SPPL2A: variants seen among roughly 807,000 people sequenced by gnomAD.
SPPL2A encodes signal peptide peptidase like 2A, also known as signal peptide peptidase-like 2A.
Under a neutral mutation model 63.8 loss-of-function variants are expected in SPPL2A, and 51 were observed. The ratio of observed to expected loss-of-function variants is 0.80; its 90% CI spans 0.64 to 1.01. The LOEUF is 1.01. Ranked by LOEUF, SPPL2A falls within the 50% of genes least tolerant of loss-of-function variation. The pLI is 0.00. For synonymous variants in SPPL2A, 188 were observed against 205.8 expected (o/e 0.91, Z 0.74); for missense variants, 553 against 622.7 (o/e 0.89, Z 1.19).
At chr15:50,748,960 T>C (rs2062882863) in intron 2 of SPPL2A, 90 bp from the exon 3 acceptor site, 1 of 749,024 alleles carries the variant, frequency 1.3e-6, no homozygotes, top group East Asian at 2.9e-5. Flanking sequence ...GTTATCAATA[T>C]TGGTTTAAGA....
At chr15:50,736,552 G>T in intron 7 of SPPL2A, 92 bp downstream of exon 7, 2 of 692,496 alleles carry the variant, frequency 2.9e-6, no homozygotes, top group South Asian at 4.0e-5. Context: ...AATGTATATT[G>T]GACTATATAG....
At chr15:50,748,306 G>A (rs2062875653) in intron 3 of SPPL2A, 104 bp from the exon 4 acceptor site, 2 of 500,902 alleles carry the variant, frequency 4.0e-6, no homozygotes, top group Non-Finnish European at 3.3e-6. Context: ...TAAGTTATAA[G>A]ACAAAATTTC....
At position 50,748,548 on chromosome 15, in the gene SPPL2A, T is replaced by G. The variant is rs1012262974; in HGVS notation, c.360+140A>C. The G allele has an allele frequency of 2.4e-5, 15 of 620,844 alleles. No individual in the cohort carries two copies. In the Admixed American group the frequency reaches 4.1e-4, roughly 17 times the overall value. 38.5% of individuals were successfully genotyped at this position (620,844 alleles called of 1,614,324 possible). ...TTCCAAGTAAATGCCTATTAGATCT[T>G]GATTATTTATTTACAAAGAATCTTG... On this transcript the variant is annotated intron_variant, in intron 3 of 14. Coordinates refer to ENST00000261854, the MANE Select transcript of SPPL2A (RefSeq NM_032802.4).
intron 5 of SPPL2A, among the ~76,000 whole-genome samples, chr15:50,740,100 T>C (rs1215366477): frequency 6.6e-6 from 1 of 152,162 alleles, no homozygotes; most frequent in African/African-American, 2.4e-5. Flanking sequence ...CCACTAACTT[T>C]TGAAACATTT....
At chr15:50,763,023 G>C (rs118101350) in intron 1 of SPPL2A, among the ~76,000 whole-genome samples, 2,255 of 151,196 alleles carry the variant, frequency 0.015, 33 homozygotes, top group Non-Finnish European at 0.023. Flanking sequence ...GATGACAGGC[G>C]TGAGCCACCA....
Position 50,747,480 on chromosome 15 carries a change from G to A in SPPL2A, c.584+15C>T. On this transcript the variant is annotated intron_variant, in intron 5 of 14. Coordinates refer to ENST00000261854, the MANE Select transcript of SPPL2A (RefSeq NM_032802.4). ...AACCATTTATTACAAAAACGCTTAA[G>A]TTAATTAAACTTACAATTCAACTAG... 1 of 1,588,358 alleles carries A rather than the reference G, an allele frequency of 6.3e-7. No individual in the cohort carries two copies. The highest frequency in any genetic ancestry group is 1.2e-5 in the South Asian group (1 of 86,318).
At chr15:50,758,652 C>G (rs2062982123) in intron 1 of SPPL2A, among the ~76,000 whole-genome samples, 1 of 152,024 alleles carries the variant, frequency 6.6e-6, no homozygotes. Context: ...TTAGAATTCA[C>G]AAACTCAAAT....
Position 50,733,482 on chromosome 15 carries a change from C to T in SPPL2A, c.933-798G>A, listed in dbSNP as rs1026366325. Among the ~76,000 whole-genome samples, 12 of 152,046 alleles carry T rather than the reference C, an allele frequency of 7.9e-5. No homozygotes were observed. In the East Asian group the frequency reaches 2.3e-3, roughly 29 times the overall value. ...ACTCTATATATTTTTTTGCACTTTGCTTTTTTCACTTAAAAAAATACAAAT... is the reference window on the plus strand; with the variant it reads ...ACTCTATATATTTTTTTGCACTTTGTTTTTTTCACTTAAAAAAATACAAAT... On this transcript the variant is annotated intron_variant, in intron 8 of 14. Coordinates refer to ENST00000261854, the MANE Select transcript of SPPL2A (RefSeq NM_032802.4).
chr15:50,762,844 C>T (rs1596402957), intron 1 of SPPL2A, among the ~76,000 whole-genome samples: 4 of 151,546 alleles, frequency 2.6e-5, no homozygotes, highest in East Asian at 3.9e-4. Flanking sequence ...GCAATTCTTC[C>T]GCCTCAGCCT....
In SPPL2A at chr15:50,737,594, G is replaced by A. The variant is rs151152903; in HGVS notation, c.734-854C>T. The stretch of plus-strand genomic sequence containing the variant: ...CAGCCCCTTGAGGAGCTGGAACTAC[G>A]GGCACGCACCACCATGCCCAGCTAA... On this transcript the variant is annotated intron_variant, in intron 6 of 14. Coordinates refer to ENST00000261854, the MANE Select transcript of SPPL2A (RefSeq NM_032802.4). Among the ~76,000 whole-genome samples, 901 of 151,922 alleles carry A rather than the reference G, an allele frequency of 5.9e-3. 14 individuals are homozygous for A. The highest frequency in any genetic ancestry group is 0.021 in the African/African-American group (865 of 41,444).
chr15:50,740,204 G>T (rs957221473), intron 5 of SPPL2A, among the ~76,000 whole-genome samples: 4 of 151,682 alleles, frequency 2.6e-5, no homozygotes, highest in African/African-American at 7.3e-5. Flanking sequence ...TGAGGCGGGC[G>T]GATCATGAGG....
At chr15:50,712,862 T>A (rs1283419598) in intron 14 of SPPL2A, among the ~76,000 whole-genome samples, 1 of 151,940 alleles carries the variant, frequency 6.6e-6, no homozygotes, top group Non-Finnish European at 1.5e-5. Flanking sequence ...ATTTTTGTAT[T>A]TTTAATAGAG....
intron 5 of SPPL2A, among the ~76,000 whole-genome samples, chr15:50,740,723 G>C (rs1259417564): frequency 6.6e-6 from 1 of 151,838 alleles, no homozygotes; most frequent in Non-Finnish European, 1.5e-5. Flanking sequence ...CAATTCTCCT[G>C]CCTCAGCCTC....
At chr15:50,726,197 G>A in intron 11 of SPPL2A, 124 bp downstream of exon 11, 1 of 1,479,634 alleles carries the variant, frequency 6.8e-7, no homozygotes, top group African/African-American at 1.4e-5. Flanking sequence ...TATTTTCTGA[G>A]AAATAAGTTT....
intron 5 of SPPL2A, among the ~76,000 whole-genome samples, chr15:50,743,962 G>T (rs62018807): frequency 6.6e-6 from 1 of 151,768 alleles, no homozygotes; most frequent in East Asian, 1.9e-4. Context: ...ATCACCTGAG[G>T]TCAGGAGTTC....
rs183430802 is a variant in SPPL2A at position 50,721,850 on chromosome 15, C to T, written c.1327+274G>A. On this transcript the variant is annotated intron_variant, in intron 13 of 14. Transcript: ENST00000261854. The stretch of plus-strand genomic sequence containing the variant: ...CTCAATCTCTTGCCCTTATGATCTG[C>T]CTGCCTCGGCCTCCCAAAGTGCTGG... 3.3e-5 allele frequency among the ~76,000 whole-genome samples: 5 copies of T among 152,256 alleles called. No individual in the cohort carries two copies. The East Asian group carries it at 9.6e-4, about 29-fold the overall frequency.
At chr15:50,756,932 T>G (rs972895092) in intron 1 of SPPL2A, among the ~76,000 whole-genome samples, 12 of 152,098 alleles carry the variant, frequency 7.9e-5, no homozygotes, top group Non-Finnish European at 1.6e-4. Context: ...CACCTCATTC[T>G]CAGTGCCCAA....
intron 1 of SPPL2A, among the ~76,000 whole-genome samples, chr15:50,751,133 A>G (rs1315355556): frequency 1.3e-5 from 2 of 152,236 alleles, no homozygotes; most frequent in Non-Finnish European, 2.9e-5. Flanking sequence ...TTCATAAAAC[A>G]TGCCATCAGA....
chr15:50,744,438 G>A (rs925049054), intron 5 of SPPL2A, among the ~76,000 whole-genome samples: 28 of 152,084 alleles, frequency 1.8e-4, no homozygotes, highest in Non-Finnish European at 4.0e-4. Flanking sequence ...GGAAGCTATA[G>A]ATCAATTCAC....
Sources: allele counts gnomAD v4.1 joint callset (sites outside exome capture counted in the v4.1 genomes callset), GRCh38; gene constraint gnomAD v4.1.1; transcripts MANE v1.5; gene names NCBI Gene and HGNC (gene_info 2026-07-23, HGNC 2026-07-21).